Variants in CSMD1 observed in about 807,000 individuals in gnomAD.
The protein encoded by CSMD1 is CUB and sushi domain-containing protein 1.
CSMD1 carries 213 observed loss-of-function variants against 417.5 expected under a neutral mutation model. That is an observed-to-expected ratio of 0.51 (90% CI 0.46 to 0.57). The LOEUF is 0.57. CSMD1 is among the 20% of genes least tolerant of loss of function. CSMD1 has a pLI of 0.00. For missense variants in CSMD1, 6,923 were observed against 4,529.7 expected (o/e 1.53, Z -15.17); for synonymous variants, 2,862 against 1,736.8 (o/e 1.65, Z -16.11).
chr8:3,290,870 G>A (rs890768154), intron 25 of CSMD1, among the ~76,000 whole-genome samples: 1 of 151,940 alleles, frequency 6.6e-6, no homozygotes, highest in East Asian at 1.9e-4. Flanking sequence ...ATATTGAATA[G>A]GAGTGGTGAG....
chr8:3,228,978 C>T (rs774092874), intron 27 of CSMD1, among the ~76,000 whole-genome samples: 25 of 152,122 alleles, frequency 1.6e-4, no homozygotes, highest in Non-Finnish European at 5.9e-5. Flanking sequence ...ACATTAAACA[C>T]ACATACATTG....
chr8:3,835,464 C>T (rs1269487355), intron 5 of CSMD1, among the ~76,000 whole-genome samples: 1 of 151,828 alleles, frequency 6.6e-6, no homozygotes, highest in African/African-American at 2.4e-5. Context: ...AAACTACCGC[C>T]AGGACAAAAA....
chr8:4,179,343 A>C (rs1336049201), intron 3 of CSMD1, among the ~76,000 whole-genome samples: 1 of 152,208 alleles, frequency 6.6e-6, no homozygotes, highest in Non-Finnish European at 1.5e-5. Context: ...TTCCCTATTT[A>C]ATAAATGGTG....
chr8:4,339,087 T>C (rs77720751), intron 3 of CSMD1, among the ~76,000 whole-genome samples: 1 of 152,096 alleles, frequency 6.6e-6, no homozygotes, highest in African/African-American at 2.4e-5. Context: ...GCATGGATTC[T>C]GAGTCTAGAC....
intron 2 of CSMD1, among the ~76,000 whole-genome samples, chr8:4,482,724 G>T (rs902843075): frequency 1.3e-5 from 2 of 152,058 alleles, no homozygotes; most frequent in Admixed American, 6.6e-5. Context: ...AGTGTAAAAG[G>T]ATTCCTTTTT....
intron 1 of CSMD1, among the ~76,000 whole-genome samples, chr8:4,947,497 C>A (rs1302391671): frequency 6.6e-6 from 1 of 151,986 alleles, no homozygotes; most frequent in Non-Finnish European, 1.5e-5. Flanking sequence ...AAATGAGAAC[C>A]ATGTGGTAAT....
intron 59 of CSMD1, among the ~76,000 whole-genome samples, chr8:2,964,622 C>T (rs544726098): frequency 1.3e-5 from 2 of 152,312 alleles, no homozygotes; most frequent in African/African-American, 4.8e-5. Context: ...TGGCAATTTC[C>T]ATCATGACCA....
chr8:4,826,971 T>G (rs1002835749), intron 1 of CSMD1, among the ~76,000 whole-genome samples: 6 of 152,134 alleles, frequency 3.9e-5, no homozygotes, highest in African/African-American at 1.4e-4. Flanking sequence ...CACTACACGT[T>G]GAATACGACG....
Position 3,872,026 on chromosome 8 carries a change from C to T in CSMD1, c.819-117984G>A, listed in dbSNP as rs558994288. Among the ~76,000 whole-genome samples, 322 of 152,282 alleles carry T rather than the reference C, an allele frequency of 2.1e-3. 2 individuals are homozygous for T. Among genetic ancestry groups the T allele is most frequent in the African/African-American group, 7.5e-3 (312 of 41,570 alleles). ...GGTGTGCAGTGAGTATAGTGGTTAA[C>T]ACATTATTTTGGATACATTATATTG... On this transcript the variant is annotated intron_variant, in intron 5 of 69. Transcript: ENST00000635120.
intron 23 of CSMD1, among the ~76,000 whole-genome samples, chr8:3,340,877 G>C (rs1200886860): frequency 1.3e-5 from 2 of 152,120 alleles, no homozygotes; most frequent in Non-Finnish European, 2.9e-5. Context: ...GAACAGAAAG[G>C]TGAAACAGGG....
intron 1 of CSMD1, among the ~76,000 whole-genome samples, chr8:4,899,372 A>C (rs1481446511): frequency 6.6e-6 from 1 of 152,230 alleles, no homozygotes. Context: ...ATAAAGATGA[A>C]ATATACTGAG....
At chr8:4,249,307 C>G (rs117108346) in intron 3 of CSMD1, among the ~76,000 whole-genome samples, 67 of 152,250 alleles carry the variant, frequency 4.4e-4, no homozygotes, top group Non-Finnish European at 8.8e-4. Context: ...ATGAAGATGA[C>G]CTGGCAAAGC....
intron 21 of CSMD1, among the ~76,000 whole-genome samples, chr8:3,352,840 C>T (rs1002504281): frequency 6.6e-6 from 1 of 151,958 alleles, no homozygotes; most frequent in Non-Finnish European, 1.5e-5. Flanking sequence ...AACTCTGTCT[C>T]AAAAAACAAA....
intron 1 of CSMD1, among the ~76,000 whole-genome samples, chr8:4,816,847 C>T (rs1452282301): frequency 1.3e-5 from 2 of 152,076 alleles, no homozygotes; most frequent in African/African-American, 2.4e-5. Context: ...TAATGGTATA[C>T]AGGAAGCAAG....
intron 64 of CSMD1, among the ~76,000 whole-genome samples, chr8:2,955,159 T>G (rs980033375): frequency 3.9e-5 from 6 of 152,232 alleles, no homozygotes; most frequent in Non-Finnish European, 8.8e-5. Context: ...ACAAACAGCA[T>G]GTGGTCTTAA....
Position 4,923,814 on chromosome 8 carries a change from A to C in CSMD1, c.85+70518T>G, listed in dbSNP as rs147271645. On this transcript the variant is annotated intron_variant, in intron 1 of 69. Coordinates refer to ENST00000635120, the MANE Select transcript of CSMD1 (RefSeq NM_033225.6). Reference sequence around the variant, plus strand: ...CAATGGTAGAAATATAATAATTCCAATAATGAGTTTTCAATAATAAATGAG... The same window carrying C: ...CAATGGTAGAAATATAATAATTCCACTAATGAGTTTTCAATAATAAATGAG... Among the ~76,000 whole-genome samples the C allele has an allele frequency of 4.7e-3, 709 of 152,268 alleles. 6 individuals carry two copies. The highest frequency in any genetic ancestry group is 0.016 in the African/African-American group (669 of 41,556).
chr8:4,732,112 G>C (rs1809918268), intron 1 of CSMD1, among the ~76,000 whole-genome samples: 1 of 152,008 alleles, frequency 6.6e-6, no homozygotes, highest in Admixed American at 6.6e-5. Flanking sequence ...TCATTTCACA[G>C]ATGGCAAGTC....
intron 25 of CSMD1, among the ~76,000 whole-genome samples, chr8:3,300,452 T>G (rs1389343236): frequency 6.6e-6 from 1 of 151,922 alleles, no homozygotes. Context: ...ACATAATGAG[T>G]GGACAAAATA....
chr8:4,955,159 C>T (rs1809006339), intron 1 of CSMD1, among the ~76,000 whole-genome samples: 1 of 152,126 alleles, frequency 6.6e-6, no homozygotes, highest in Non-Finnish European at 1.5e-5. Flanking sequence ...ATCAGAAACC[C>T]TCTGAGTGCA....
Sources: allele counts gnomAD v4.1 joint callset (sites outside exome capture counted in the v4.1 genomes callset), GRCh38; gene constraint gnomAD v4.1.1; transcripts MANE v1.5; gene names NCBI Gene and HGNC (gene_info 2026-07-23, HGNC 2026-07-21).